The following MYT1L variants were observed in gnomAD, a reference collection of about 807,000 sequenced individuals.
The protein encoded by MYT1L is myelin transcription factor 1-like protein.
Under a neutral mutation model 126.7 loss-of-function variants are expected in MYT1L, and 12 were observed. The observed-to-expected ratio is 0.09, with a 90% CI of 0.06 to 0.15. The LOEUF is 0.15. Ranked by LOEUF, MYT1L falls within the 10% of genes least tolerant of loss-of-function variation. The probability of loss-of-function intolerance (pLI) is 1.00; values close to 1 mark genes in which losing one functional copy is unlikely to be tolerated. For missense variants in MYT1L, 979 were observed against 1,585.2 expected, an observed-to-expected ratio of 0.62 and a Z score of 6.49; for synonymous variants, 541 against 604.2, an observed-to-expected ratio of 0.90 and a Z score of 1.53.
rs1309794595 is a variant in MYT1L at position 1,910,179 on chromosome 2, G to A, written c.1817+61C>T. On this transcript the variant is annotated intron_variant, in intron 13 of 24. Coordinates refer to ENST00000647738, the MANE Select transcript of MYT1L (RefSeq NM_001303052.2). The surrounding 1 kb of genome is among the most constrained non-coding windows in gnomAD (Gnocchi z 4.8). ...CATGCCCTGAGCGGGTGTCCCCAGC[G>A]CTCCGAGGTGTGGGGCAGACTATGG... is the stretch of plus-strand genomic sequence containing the variant. 9.6e-6 allele frequency: 14 copies of A among 1,464,842 alleles called. No homozygotes were observed. The highest frequency in any genetic ancestry group is 5.6e-5 in the African/African-American group (4 of 71,940). The allele number at this position is 1,464,842 out of a possible 1,614,324, so 90.7% of individuals were successfully genotyped here.
Position 2,109,875 on chromosome 2 carries a change from T to TTATATATATATATA in MYT1L, c.-303-55766_-303-55753dup, listed in dbSNP as rs58549168. Among the ~76,000 whole-genome samples the TTATATATATATATA allele has an allele frequency of 5.5e-4, 35 of 63,884 alleles. 1 individual carries two copies. Among genetic ancestry groups the TTATATATATATATA allele is most frequent in the African/African-American group, 6.7e-4 (10 of 15,036 alleles). The allele number at this position is 63,884 out of a possible 152,430, so 41.9% of individuals were successfully genotyped here. A position where few individuals can be genotyped will look rare whatever the true frequency, so the allele number is the denominator to read the frequency against. ...AGGAAGATTCACAAAAGTGCTGATT[T>TTATATATATATATA]TATATATATATATATATATATATAT... On this transcript the variant is annotated intron_variant, in intron 3 of 24. Coordinates refer to ENST00000647738, the MANE Select transcript of MYT1L (RefSeq NM_001303052.2).
At chr2:2,212,905 T>C (rs1463371304) in intron 2 of MYT1L, among the ~76,000 whole-genome samples, 1 of 152,182 alleles carries the variant, frequency 6.6e-6, no homozygotes, top group East Asian at 1.9e-4. Flanking sequence ...GTCCCCAGTG[T>C]CCATCTTCTC....
chr2:2,005,484 G>A lies in MYT1L; in HGVS notation c.-157-8137C>T, dbSNP rs199750652. Among the ~76,000 whole-genome samples, 61 of 25,514 alleles carry A rather than the reference G, an allele frequency of 2.4e-3. 1 individual carries two copies. Among genetic ancestry groups the A allele is most frequent in the South Asian group, 0.019 (15 of 786 alleles). 16.7% of individuals were successfully genotyped at this position (25,514 alleles called of 152,430 possible). A position where few individuals can be genotyped will look rare whatever the true frequency, so the allele number is the denominator to read the frequency against. The stretch of plus-strand genomic sequence containing the variant: ...CCTGCATGTGTTCTTTCCTGAATGC[G>A]TTCTTTCCTGCAGGCATTCTTTCCT... On this transcript the variant is annotated intron_variant, in intron 4 of 24. Coordinates refer to ENST00000647738, the MANE Select transcript of MYT1L (RefSeq NM_001303052.2).
At chr2:2,164,448 G>C (rs1430293002) in intron 3 of MYT1L, among the ~76,000 whole-genome samples, 1 of 152,142 alleles carries the variant, frequency 6.6e-6, no homozygotes, top group Non-Finnish European at 1.5e-5. Flanking sequence ...CAAAACACGT[G>C]GGGATCATGA....
chr2:2,269,525 C>T (rs910216212), intron 2 of MYT1L, among the ~76,000 whole-genome samples: 1 of 152,124 alleles, frequency 6.6e-6, no homozygotes, highest in Non-Finnish European at 1.5e-5. Flanking sequence ...AGCCTGGTTC[C>T]CTTGCTGACT....
At chr2:2,057,029 A>G (rs2069665957) in intron 3 of MYT1L, among the ~76,000 whole-genome samples, 1 of 152,212 alleles carries the variant, frequency 6.6e-6, no homozygotes, top group Non-Finnish European at 1.5e-5. Flanking sequence ...GTGTCCGCCA[A>G]TGACAACATT....
intron 4 of MYT1L, among the ~76,000 whole-genome samples, chr2:2,045,558 C>T (rs1267640502): frequency 6.6e-6 from 1 of 152,138 alleles, no homozygotes; most frequent in Non-Finnish European, 1.5e-5. Context: ...CTCTTTTGCT[C>T]ACCCCTCTCA....
intron 2 of MYT1L, among the ~76,000 whole-genome samples, chr2:2,267,385 C>T (rs76984554): frequency 2.3e-3 from 356 of 152,194 alleles, no homozygotes; most frequent in African/African-American, 8.3e-3. Flanking sequence ...AGGTAAAAAG[C>T]GGAGCAGAGT....
At chr2:2,093,264 A>G (rs2077078535) in intron 3 of MYT1L, among the ~76,000 whole-genome samples, 1 of 134,204 alleles carries the variant, frequency 7.5e-6, no homozygotes, top group African/African-American at 2.8e-5. Flanking sequence ...AAAGTCAATG[A>G]GCCAGTATGC....
chr2:1,830,281 C>T (rs991435047), intron 21 of MYT1L, among the ~76,000 whole-genome samples: 5 of 152,198 alleles, frequency 3.3e-5, no homozygotes, highest in African/African-American at 4.8e-5. Flanking sequence ...AAGTTCTCTT[C>T]TCTTTGCCTC....
chr2:1,937,518 G>A (rs1430570548), intron 9 of MYT1L, among the ~76,000 whole-genome samples: 3 of 150,640 alleles, frequency 2.0e-5, no homozygotes, highest in African/African-American at 4.9e-5. Flanking sequence ...ATTGCACATC[G>A]AGAAGGCCCT....
At chr2:2,012,662 T>C (rs913245348) in intron 4 of MYT1L, among the ~76,000 whole-genome samples, 1 of 152,204 alleles carries the variant, frequency 6.6e-6, no homozygotes, top group Non-Finnish European at 1.5e-5. Context: ...TGATGAATTT[T>C]CCATTGTGTG....
chr2:1,920,056 G>T (rs983773401), intron 10 of MYT1L, among the ~76,000 whole-genome samples: 1 of 152,136 alleles, frequency 6.6e-6, no homozygotes, highest in African/African-American at 2.4e-5. Context: ...CAGACATCTC[G>T]AAGGACATTT....
intron 3 of MYT1L, among the ~76,000 whole-genome samples, chr2:2,063,264 CTTT>C (rs1392303463): frequency 2.0e-5 from 3 of 152,174 alleles, no homozygotes; most frequent in Non-Finnish European, 4.4e-5. Flanking sequence ...ATGATAACTT[CTTT>C]GTTTCTCTTC....
chr2:2,174,275 G>A (rs2090453127), intron 2 of MYT1L, among the ~76,000 whole-genome samples: 1 of 152,154 alleles, frequency 6.6e-6, no homozygotes, highest in African/African-American at 2.4e-5. Flanking sequence ...GCAGTGCACA[G>A]CTATCTACAC....
intron 1 of MYT1L, among the ~76,000 whole-genome samples, chr2:2,312,334 A>C (rs2095986235): frequency 6.6e-6 from 1 of 152,058 alleles, no homozygotes; most frequent in African/African-American, 2.4e-5. Context: ...TCTATGGCCC[A>C]GGGTAGTGGC....
At chr2:1,804,705 G>T (rs1301621095) in intron 22 of MYT1L, among the ~76,000 whole-genome samples, 1 of 152,138 alleles carries the variant, frequency 6.6e-6, no homozygotes, top group Non-Finnish European at 1.5e-5. Flanking sequence ...CTCACTAATG[G>T]CTTGGTGGAA....
intron 3 of MYT1L, among the ~76,000 whole-genome samples, chr2:2,079,564 G>A (rs1558944849): frequency 6.6e-6 from 1 of 152,226 alleles, no homozygotes; most frequent in Non-Finnish European, 1.5e-5. Context: ...CCAGCACTGT[G>A]GGAGGCCAAG....
intron 2 of MYT1L, among the ~76,000 whole-genome samples, chr2:2,180,105 G>A (rs2091249176): frequency 6.6e-6 from 1 of 152,174 alleles, no homozygotes; most frequent in Non-Finnish European, 1.5e-5. Context: ...GGTGCTTGAA[G>A]ATGGGGATTG....
Sources: allele counts gnomAD v4.1 joint callset (sites outside exome capture counted in the v4.1 genomes callset), GRCh38; gene constraint gnomAD v4.1.1; non-coding constraint Gnocchi (gnomAD v3.1); transcripts MANE v1.5; gene names NCBI Gene and HGNC (gene_info 2026-07-23, HGNC 2026-07-21).